The following PCDHA2 variants were observed in gnomAD, a reference collection of about 807,000 sequenced individuals.
The protein encoded by PCDHA2 is protocadherin alpha 2, also known as protocadherin alpha-2.
A neutral mutation model predicts 66.0 loss-of-function variants in PCDHA2; 58 were observed. The ratio of observed to expected loss-of-function variants is 0.88; its 90% CI spans 0.71 to 1.09. The LOEUF (loss-of-function observed/expected upper bound fraction) is 1.09, where lower values mean the gene tolerates loss of function less well. Ranked by LOEUF, PCDHA2 falls within the 50% of genes least tolerant of loss-of-function variation. The pLI, the probability that PCDHA2 is intolerant of heterozygous loss-of-function variation, is 0.00. For synonymous variants in PCDHA2, 634 were observed against 554.0 expected (o/e 1.14, Z -2.03); for missense variants, 1,267 against 1,242.3 (o/e 1.02, Z -0.30).
chr5:140,969,069 T>G, intron 1 of PCDHA2: 1 of 1,614,160 alleles, frequency 6.2e-7, no homozygotes, highest in Non-Finnish European at 8.5e-7. Flanking sequence ...GATGCCAGGA[T>G]ACCGCATGGC....
Position 140,837,010 on chromosome 5 carries a change from C to T in PCDHA2, c.2388+39658C>T, listed in dbSNP as rs1188218220. On this transcript the variant is annotated intron_variant, in intron 1 of 3. Coordinates refer to ENST00000526136, the MANE Select transcript of PCDHA2 (RefSeq NM_018905.3). Reference sequence around the variant, plus strand: ...ACTTTGCTAACTGGAGCAATGGATTCACCTTTCTTCTATAGTGTATTTACA... The same window carrying T: ...ACTTTGCTAACTGGAGCAATGGATTTACCTTTCTTCTATAGTGTATTTACA... 4 of 308,042 alleles carry T rather than the reference C, an allele frequency of 1.3e-5. 1 individual carries two copies. Among genetic ancestry groups the T allele is most frequent in the African/African-American group, 8.8e-5 (4 of 45,630 alleles). 19.1% of individuals were successfully genotyped at this position (308,042 alleles called of 1,614,324 possible).
intron 1 of PCDHA2, chr5:140,863,410 G>C: frequency 5.3e-6 from 4 of 753,286 alleles, no homozygotes; most frequent in African/African-American, 1.8e-5. Context: ...GCCCACGCTG[G>C]TGTACCGCAG....
At chr5:140,854,572 C>T (rs2043163133) in intron 1 of PCDHA2, 2 of 149,770 alleles carry the variant, frequency 1.3e-5, no homozygotes, top group South Asian at 4.2e-4. Context: ...CTCTGTCATT[C>T]AGATTTTAAT....
At chr5:140,919,166 GT>G (rs1382267419) in intron 1 of PCDHA2, among the ~76,000 whole-genome samples, 15 of 152,114 alleles carry the variant, frequency 9.9e-5, no homozygotes, top group Admixed American at 9.8e-4. Context: ...TATGTTTTTA[GT>G]TGCTATATCT....
chr5:140,863,384 C>A (rs563178599), intron 1 of PCDHA2: 2 of 1,044,912 alleles, frequency 1.9e-6, no homozygotes, highest in South Asian at 1.2e-5. Flanking sequence ...ACCGAGAGCT[C>A]GTGCATGCCG....
At chr5:140,871,089 C>T in intron 1 of PCDHA2, 1 of 1,613,254 alleles carries the variant, frequency 6.2e-7, no homozygotes, top group Non-Finnish European at 8.5e-7. Flanking sequence ...CGGCCACGGC[C>T]ACCGTGCTGG....
At chr5:141,000,410 TATATA>T in intron 3 of PCDHA2, among the ~76,000 whole-genome samples, 1 of 101,974 alleles carries the variant, frequency 9.8e-6, no homozygotes, top group African/African-American at 3.9e-5. Context: ...TATATATATA[TATATA>T]TATATATTTT....
chr5:140,899,268 C>T (rs2067238736), intron 1 of PCDHA2, among the ~76,000 whole-genome samples: 1 of 152,078 alleles, frequency 6.6e-6, no homozygotes, highest in Non-Finnish European at 1.5e-5. Context: ...TGTCTTGTGG[C>T]AGTTTTCAAA....
chr5:140,868,747 T>C, intron 1 of PCDHA2: 1 of 213,646 alleles, frequency 4.7e-6, no homozygotes, highest in South Asian at 1.1e-4. Context: ...TACAATGCCA[T>C]TTCCATATAT....
intron 1 of PCDHA2, among the ~76,000 whole-genome samples, chr5:140,962,388 C>T (rs782676502): frequency 5.9e-5 from 9 of 152,254 alleles, no homozygotes; most frequent in South Asian, 4.1e-4. Flanking sequence ...GTTAATATTA[C>T]GCAATCTGCC....
chr5:140,949,068 CTT>C (rs1199095008), intron 1 of PCDHA2, among the ~76,000 whole-genome samples: 2 of 151,676 alleles, frequency 1.3e-5, no homozygotes, highest in African/African-American at 4.8e-5. Context: ...TGATTTAACT[CTT>C]TCACCCATTT....
At chr5:140,946,631 T>TATATGTATATAC (rs57893927) in intron 1 of PCDHA2, among the ~76,000 whole-genome samples, 2 of 131,846 alleles carry the variant, frequency 1.5e-5, no homozygotes, top group Non-Finnish European at 3.1e-5. Flanking sequence ...TATATATATA[T>TATATGTATATAC]ACAATGGAAT....
chr5:140,813,639 C>G (rs1765348977), intron 1 of PCDHA2: 1 of 152,192 alleles, frequency 6.6e-6, no homozygotes, highest in African/African-American at 2.4e-5. Context: ...CAGGACATTA[C>G]TGTGCACTAA....
intron 1 of PCDHA2, chr5:140,803,522 C>G: frequency 1.2e-6 from 2 of 1,614,246 alleles, no homozygotes; most frequent in Non-Finnish European, 1.7e-6. Context: ...TTAGCCCTAG[C>G]CTTCCTCCTT....
rs2150325901 is a variant in PCDHA2 at position 140,841,940 on chromosome 5, G to A, written c.2388+44588G>A. Reference sequence around the variant, plus strand: ...ATCCTTGGACAGAGAGGACGCTCCTGCGCACCACTTATTCCTGACAGCCAC... The same window carrying A: ...ATCCTTGGACAGAGAGGACGCTCCTACGCACCACTTATTCCTGACAGCCAC... On this transcript the variant is annotated intron_variant, in intron 1 of 3. Transcript: ENST00000526136. 5.0e-6 allele frequency: 8 copies of A among 1,613,930 alleles called. No individual in the cohort carries two copies. In the South Asian group the frequency reaches 6.6e-5, roughly 13 times the overall value.
At chr5:140,990,736 C>G (rs181451094) in intron 3 of PCDHA2, among the ~76,000 whole-genome samples, 22 of 152,218 alleles carry the variant, frequency 1.4e-4, no homozygotes, top group African/African-American at 5.3e-4. Flanking sequence ...TATCAACAGC[C>G]CTAGGGTGGA....
chr5:141,010,446 C>T lies in PCDHA2; in HGVS notation c.*509C>T. The T allele has an allele frequency of 1.1e-6, 1 of 944,708 alleles. No homozygotes were observed. The highest frequency in any genetic ancestry group is 1.5e-6 in the Non-Finnish European group (1 of 656,274). 58.5% of individuals were successfully genotyped at this position (944,708 alleles called of 1,614,324 possible). ...AGGCAAGAAAACAAAGACAAATAAACAGCGGAAGTTATCAGTATGGAGGGG... is the reference window on the plus strand; with the variant it reads ...AGGCAAGAAAACAAAGACAAATAAATAGCGGAAGTTATCAGTATGGAGGGG... On this transcript the variant is annotated 3_prime_UTR_variant, in exon 4 of 4. Coordinates refer to ENST00000526136, the MANE Select transcript of PCDHA2 (RefSeq NM_018905.3).
intron 1 of PCDHA2, chr5:140,822,072 G>C: frequency 6.2e-7 from 1 of 1,614,228 alleles, no homozygotes; most frequent in South Asian, 1.1e-5. Context: ...GGCGGAGGGC[G>C]GAGTGCAGCA....
chr5:140,911,953 G>T (rs1554195050), intron 1 of PCDHA2, among the ~76,000 whole-genome samples: 1 of 152,094 alleles, frequency 6.6e-6, no homozygotes, highest in Non-Finnish European at 1.5e-5. Context: ...TAAAGGGGAG[G>T]TTACTAAGGA....
Sources: gnomAD v4.1 joint callset for allele counts (sites outside exome capture counted in the v4.1 genomes callset) on GRCh38, gnomAD v4.1.1 for gene constraint, MANE v1.5 for transcripts, NCBI Gene and HGNC (gene_info 2026-07-23, HGNC 2026-07-21) for gene names.